Variants in ABCD2 observed in about 807,000 individuals in gnomAD.
The protein encoded by ABCD2 is ATP binding cassette subfamily D member 2, also known as ATP-binding cassette sub-family D member 2.
In ABCD2, 36 loss-of-function variants were observed where a neutral mutation model predicts 70.9. The ratio of observed to expected loss-of-function variants is 0.51; its 90% CI spans 0.39 to 0.67. ABCD2 has a LOEUF of 0.67. Ranked by LOEUF, ABCD2 falls within the 30% of genes least tolerant of loss-of-function variation. ABCD2 has a pLI of 0.00. For synonymous variants in ABCD2, 304 were observed against 306.9 expected (o/e 0.99, Z 0.10); for missense variants, 729 against 890.2 (o/e 0.82, Z 2.30).
chr12:39,613,385 C>CAAAAAAAAAA (rs71075064), intron 2 of ABCD2, among the ~76,000 whole-genome samples: 1 of 23,612 alleles, frequency 4.2e-5, no homozygotes, highest in Non-Finnish European at 6.1e-5. Context: ...GACTCCGTCT[C>CAAAAAAAAAA]AAAAAAAAAA....
At chr12:39,600,972 A>G (rs935331510) in intron 5 of ABCD2, among the ~76,000 whole-genome samples, 2 of 152,110 alleles carry the variant, frequency 1.3e-5, no homozygotes, top group Non-Finnish European at 2.9e-5. Flanking sequence ...CAAAATTGTA[A>G]TTTGTTATCA....
chr12:39,555,154 A>C (rs901427497), intron 9 of ABCD2, among the ~76,000 whole-genome samples: 11 of 152,096 alleles, frequency 7.2e-5, no homozygotes, highest in Non-Finnish European at 1.5e-4. Context: ...CATTCTCTTC[A>C]ACCCCAAAAG....
chr12:39,578,306 C>G (rs571233052), intron 8 of ABCD2, among the ~76,000 whole-genome samples: 18 of 152,004 alleles, frequency 1.2e-4, no homozygotes, highest in Non-Finnish European at 1.9e-4. Flanking sequence ...AACCCCGTCT[C>G]TACTAAAAAT....
chr12:39,619,038 T>G lies in ABCD2; in HGVS notation c.578A>C (p.Tyr193Ser). 1 of 1,614,210 alleles carries G rather than the reference T, an allele frequency of 6.2e-7. No homozygotes were observed. The change falls in exon 1 of 10, where the codon TAT (tyrosine) becomes TCT (serine). Residue 193 changes from tyrosine to serine, a missense_variant. Around this residue, in one of 3 missense-constraint regions of ABCD2, gnomAD observed 245 missense variants for 261.2 expected, o/e 0.94. Transcript: ENST00000308666. Reference sequence around the variant, plus strand: ...CCCATCCATATTGATCACTTTATAATAAGTCTGATTTGTAAAATAGGTTTC... The same window carrying G: ...CCCATCCATATTGATCACTTTATAAGAAGTCTGATTTGTAAAATAGGTTTC... Reference protein sequence around the residue: ...AYETYFTNQTYYKVINMDGRL... With the variant: ...AYETYFTNQTSYKVINMDGRL...
intron 9 of ABCD2, among the ~76,000 whole-genome samples, chr12:39,554,637 CTT>C (rs1329905133): frequency 6.6e-6 from 1 of 152,096 alleles, no homozygotes; most frequent in African/African-American, 2.4e-5. Flanking sequence ...AAAAACAACT[CTT>C]TGATAGAAGA....
intron 5 of ABCD2, among the ~76,000 whole-genome samples, chr12:39,601,913 C>A (rs1941903025): frequency 6.6e-6 from 1 of 151,686 alleles, no homozygotes. Flanking sequence ...TTTAAAAAAT[C>A]ATATATATCA....
chr12:39,536,479 G>A, the ABCD2 span, among the ~76,000 whole-genome samples: 10 of 152,246 alleles, frequency 6.6e-5, no homozygotes, highest in African/African-American at 2.2e-4. Flanking sequence ...TTCATAAACC[G>A]GTTCTTATAT....
chr12:39,584,147 TTC>T (rs2120629232), intron 7 of ABCD2, among the ~76,000 whole-genome samples: 1 of 152,324 alleles, frequency 6.6e-6, no homozygotes, highest in African/African-American at 2.4e-5. Flanking sequence ...TGTATAAGTG[TTC>T]TCTTTTTCCC....
rs946874674 is a variant in ABCD2, at chr12:39,552,408, T to C, written c.*1504A>G. 2.6e-5 allele frequency: 4 copies of C among 151,958 alleles called. No homozygotes were observed. The highest frequency in any genetic ancestry group is 4.4e-5 in the Non-Finnish European group (3 of 67,838). 9.4% of individuals were successfully genotyped at this position (151,958 alleles called of 1,614,324 possible). A position where few individuals can be genotyped will look rare whatever the true frequency, so the allele number is the denominator to read the frequency against. ...ACAACTGATCATTCCAATATTCTTC[T>C]GGTATGTCAATGTGGTATCACAGGC... is the stretch of plus-strand genomic sequence containing the variant. On this transcript the variant is annotated 3_prime_UTR_variant, in exon 10 of 10. Transcript: ENST00000308666.
downstream of ABCD2, among the ~76,000 whole-genome samples, chr12:39,547,304 A>G (rs1319513798): frequency 6.6e-6 from 1 of 152,096 alleles, no homozygotes; most frequent in East Asian, 1.9e-4. Flanking sequence ...ACACAAATAA[A>G]AACTCAGCAA....
chr12:39,594,276 C>G (rs967853873), intron 6 of ABCD2, among the ~76,000 whole-genome samples: 1 of 152,078 alleles, frequency 6.6e-6, no homozygotes, highest in Non-Finnish European at 1.5e-5. Flanking sequence ...ACTTAAACCT[C>G]TTTAAGTTTT....
the ABCD2 span, among the ~76,000 whole-genome samples, chr12:39,542,796 C>T: frequency 3.3e-5 from 5 of 152,052 alleles, no homozygotes; most frequent in African/African-American, 4.8e-5. Context: ...TCAGTTTTTA[C>T]GTTTGGTGGC....
At chr12:39,571,566 G>C (rs1941449395) in intron 9 of ABCD2, among the ~76,000 whole-genome samples, 1 of 152,028 alleles carries the variant, frequency 6.6e-6, no homozygotes, top group African/African-American at 2.4e-5. Flanking sequence ...TCATCACTCT[G>C]GTCTTACAAC....
chr12:39,591,571 G>T (rs1240833847), intron 6 of ABCD2, among the ~76,000 whole-genome samples: 1 of 152,020 alleles, frequency 6.6e-6, no homozygotes, highest in African/African-American at 2.4e-5. Context: ...AATTAGCCAG[G>T]TGTGGTGGCA....
the ABCD2 span, among the ~76,000 whole-genome samples, chr12:39,531,786 T>C: frequency 2.6e-5 from 4 of 152,242 alleles, no homozygotes; most frequent in Admixed American, 2.6e-4. Context: ...TGGAAGTCTG[T>C]ACAATATTTT....
chr12:39,558,919 GA>G (rs1160221201), intron 9 of ABCD2, among the ~76,000 whole-genome samples: 2 of 151,672 alleles, frequency 1.3e-5, no homozygotes, highest in Non-Finnish European at 2.9e-5. Context: ...AAAATACAAT[GA>G]AAAAAATTAA....
At chr12:39,531,895 G>T in the ABCD2 span, among the ~76,000 whole-genome samples, 10 of 152,252 alleles carry the variant, frequency 6.6e-5, no homozygotes, top group Non-Finnish European at 4.4e-5. Flanking sequence ...ATCGCTGAAC[G>T]TTACGTATTC....
intron 9 of ABCD2, among the ~76,000 whole-genome samples, chr12:39,564,901 G>T (rs930207614): frequency 4.6e-5 from 7 of 152,096 alleles, no homozygotes; most frequent in African/African-American, 7.2e-5. Context: ...TTTCCCCATT[G>T]CTTGTTTTTG....
At chr12:39,596,214 C>T (rs970647196) in intron 6 of ABCD2, among the ~76,000 whole-genome samples, 2 of 152,186 alleles carry the variant, frequency 1.3e-5, no homozygotes, top group African/African-American at 2.4e-5. Flanking sequence ...GGCAACTGTT[C>T]AAATCCTGAA....
Sources: gnomAD v4.1 joint callset for allele counts (sites outside exome capture counted in the v4.1 genomes callset) on GRCh38, gnomAD v4.1.1 for gene constraint, gnomAD v4.1.1 regional missense constraint, MANE v1.5 for transcripts, NCBI Gene and HGNC (gene_info 2026-07-23, HGNC 2026-07-21) for gene names.